LRRC4C: variants seen among roughly 807,000 people sequenced by gnomAD.
LRRC4C encodes the protein leucine-rich repeat-containing protein 4C.
In LRRC4C, 5 loss-of-function variants were observed where a neutral mutation model predicts 33.6. The ratio of observed to expected loss-of-function variants is 0.15; its 90% CI spans 0.08 to 0.31. LRRC4C has a LOEUF of 0.31. LRRC4C is among the 10% of genes least tolerant of loss of function. LRRC4C has a pLI of 1.00. For synonymous variants in LRRC4C, 329 were observed against 302.0 expected (o/e 1.09, Z -0.93); for missense variants, 560 against 796.7 (o/e 0.70, Z 3.58).
intron 2 of LRRC4C, among the ~76,000 whole-genome samples, chr11:40,855,863 CA>C (rs1256490432): frequency 6.6e-6 from 1 of 151,818 alleles, no homozygotes; most frequent in African/African-American, 2.4e-5. Flanking sequence ...TTCACAAATG[CA>C]AATATTCAGA....
At chr11:41,324,669 A>G (rs1467697979) in intron 1 of LRRC4C, among the ~76,000 whole-genome samples, 1 of 152,206 alleles carries the variant, frequency 6.6e-6, no homozygotes, top group Non-Finnish European at 1.5e-5. Context: ...TGCAAGACCC[A>G]AAATTGTCAT....
intron 4 of LRRC4C, among the ~76,000 whole-genome samples, chr11:40,265,549 G>A (rs1409813229): frequency 6.6e-6 from 1 of 152,178 alleles, no homozygotes; most frequent in Admixed American, 6.5e-5. Flanking sequence ...AACCAATGAG[G>A]AAGATTGGAT....
At chr11:40,605,374 A>T (rs745546642) in intron 3 of LRRC4C, among the ~76,000 whole-genome samples, 22 of 152,200 alleles carry the variant, frequency 1.4e-4, no homozygotes, top group African/African-American at 2.9e-4. Context: ...ACGGCAGAAT[A>T]GGAAGTCCCA....
chr11:40,763,776 C>A (rs1276652935), intron 2 of LRRC4C, among the ~76,000 whole-genome samples: 1 of 152,160 alleles, frequency 6.6e-6, no homozygotes, highest in East Asian at 1.9e-4. Context: ...CATCCCTAGC[C>A]AGAGACAAGT....
intron 1 of LRRC4C, among the ~76,000 whole-genome samples, chr11:41,383,499 A>G (rs1953236403): frequency 6.6e-6 from 1 of 152,054 alleles, no homozygotes; most frequent in Non-Finnish European, 1.5e-5. Context: ...GTATAAGAAT[A>G]TGACTTTCTT....
chr11:40,967,630 T>C (rs1443195379), intron 1 of LRRC4C, among the ~76,000 whole-genome samples: 1 of 152,040 alleles, frequency 6.6e-6, no homozygotes, highest in Admixed American at 6.6e-5. Context: ...CAGTGATTTC[T>C]GATGTTACTA....
intron 2 of LRRC4C, among the ~76,000 whole-genome samples, chr11:40,732,066 A>T (rs1206861984): frequency 6.6e-6 from 1 of 152,142 alleles, no homozygotes; most frequent in Non-Finnish European, 1.5e-5. Flanking sequence ...AACCAAAAAA[A>T]AAACAAAGTT....
At chr11:40,228,581 C>T (rs189744757) in intron 5 of LRRC4C, among the ~76,000 whole-genome samples, 84 of 152,284 alleles carry the variant, frequency 5.5e-4, no homozygotes, top group African/African-American at 1.9e-3. Flanking sequence ...ATAAATGCAG[C>T]ATAAGGACTA....
chr11:41,068,105 C>A (rs980181502), intron 1 of LRRC4C, among the ~76,000 whole-genome samples: 1 of 152,072 alleles, frequency 6.6e-6, no homozygotes, highest in African/African-American at 2.4e-5. Flanking sequence ...TTCAAAACAT[C>A]AATGAGGCCA....
intron 2 of LRRC4C, among the ~76,000 whole-genome samples, chr11:40,906,858 TA>T (rs1956444740): frequency 6.6e-6 from 1 of 152,148 alleles, no homozygotes; most frequent in African/African-American, 2.4e-5. Flanking sequence ...AGATAAAGTG[TA>T]AAAAACACTA....
At chr11:41,231,308 TAC>T (rs1947782955) in intron 1 of LRRC4C, among the ~76,000 whole-genome samples, 1 of 151,978 alleles carries the variant, frequency 6.6e-6, no homozygotes. Context: ...TAAAGACACA[TAC>T]ACACACGTAT....
intron 2 of LRRC4C, among the ~76,000 whole-genome samples, chr11:40,853,749 C>T (rs1395960438): frequency 6.6e-6 from 1 of 152,108 alleles, no homozygotes; most frequent in Non-Finnish European, 1.5e-5. Flanking sequence ...ACAGGGTGAA[C>T]TGTGTTATGG....
At chr11:40,309,688 G>T (rs1480345089) in intron 4 of LRRC4C, among the ~76,000 whole-genome samples, 2 of 151,934 alleles carry the variant, frequency 1.3e-5, no homozygotes, top group African/African-American at 2.4e-5. Context: ...TGTATTTTTT[G>T]TAGAGACGGA....
rs185862441 is a variant in LRRC4C at position 41,404,458 on chromosome 11, C to A, written c.-496+54973G>T. Among the ~76,000 whole-genome samples the A allele has an allele frequency of 4.0e-5, 6 of 150,934 alleles. No individual in the cohort carries two copies. The East Asian group carries it at 1.2e-3, about 30-fold the overall frequency. Reference sequence around the variant, plus strand: ...CAGGGATGTCTCTGATCTCCGACAACCCCAGGGCTATGTGTGTGTGTGTCT... The same window carrying A: ...CAGGGATGTCTCTGATCTCCGACAAACCCAGGGCTATGTGTGTGTGTGTCT... On this transcript the variant is annotated intron_variant, in intron 1 of 6. Coordinates refer to ENST00000528697, the MANE Select transcript of LRRC4C (RefSeq NM_001258419.2).
At chr11:41,200,118 A>C (rs1480279683) in intron 1 of LRRC4C, among the ~76,000 whole-genome samples, 1 of 152,030 alleles carries the variant, frequency 6.6e-6, no homozygotes, top group Non-Finnish European at 1.5e-5. Context: ...AAATGAGTTA[A>C]CTTATTTGTT....
chr11:40,152,369 G>C (rs909914273), intron 5 of LRRC4C, among the ~76,000 whole-genome samples: 3 of 152,128 alleles, frequency 2.0e-5, no homozygotes, highest in African/African-American at 7.2e-5. Flanking sequence ...GGTGGCAGGG[G>C]GTAAAACTCC....
At chr11:40,440,335 C>A (rs1951338593) in intron 3 of LRRC4C, among the ~76,000 whole-genome samples, 1 of 146,790 alleles carries the variant, frequency 6.8e-6, no homozygotes, top group African/African-American at 2.5e-5. Context: ...TTTTTTCCTC[C>A]AAAGCTCCAA....
intron 2 of LRRC4C, among the ~76,000 whole-genome samples, chr11:40,758,429 A>G (rs117877279): frequency 0.015 from 2,296 of 152,148 alleles, 36 homozygotes; most frequent in Non-Finnish European, 0.02. Context: ...AAATAATTTA[A>G]ATGCCCTCAT....
intron 3 of LRRC4C, among the ~76,000 whole-genome samples, chr11:40,326,016 C>T (rs1250153824): frequency 6.8e-6 from 1 of 146,942 alleles, no homozygotes; most frequent in Non-Finnish European, 1.5e-5. Flanking sequence ...ATTGATCCAA[C>T]CATGAGGTTG....
Sources: gnomAD v4.1 joint callset for allele counts (sites outside exome capture counted in the v4.1 genomes callset) on GRCh38, gnomAD v4.1.1 for gene constraint, MANE v1.5 for transcripts, NCBI Gene and HGNC (gene_info 2026-07-23, HGNC 2026-07-21) for gene names.